Variants in PRKG1 observed in about 807,000 individuals in gnomAD.
PRKG1 encodes the protein protein kinase cGMP-dependent 1.
A neutral mutation model predicts 88.1 loss-of-function variants in PRKG1; 35 were observed. The observed-to-expected ratio is 0.40, with a 90% CI of 0.30 to 0.53. PRKG1 has a LOEUF of 0.53. Ranked by LOEUF, PRKG1 falls within the 20% of genes least tolerant of loss-of-function variation. PRKG1 has a pLI of 0.59. For missense variants in PRKG1, 540 were observed against 839.8 expected (o/e 0.64, Z 4.41); for synonymous variants, 303 against 292.5 (o/e 1.04, Z -0.37).
intron 3 of PRKG1, among the ~76,000 whole-genome samples, chr10:51,627,928 T>TCCC (rs71029384): frequency 0.048 from 2,355 of 49,312 alleles, 196 homozygotes; most frequent in Non-Finnish European, 0.065. Context: ...TTCCCTTCCT[T>TCCC]TCTTCCTTCC....
chr10:51,994,154 G>A (rs1037049284), intron 5 of PRKG1, among the ~76,000 whole-genome samples: 1 of 152,136 alleles, frequency 6.6e-6, no homozygotes, highest in Non-Finnish European at 1.5e-5. Flanking sequence ...CTAAAGAGAG[G>A]TCTAAGGAAC....
rs2132705041 is a variant in PRKG1 at position 50,991,326 on chromosome 10, G to GCCT, written c.-51_-50insTCC. 1 of 1,486,826 alleles carries GCCT rather than the reference G, an allele frequency of 6.7e-7. No homozygotes were observed. Among genetic ancestry groups the GCCT allele is most frequent in the Non-Finnish European group, 8.9e-7 (1 of 1,120,770 alleles). The allele number at this position is 1,486,826 out of a possible 1,614,324, so 92.1% of individuals were successfully genotyped here. A position where few individuals can be genotyped will look rare whatever the true frequency, so the allele number is the denominator to read the frequency against. Reference sequence around the variant, plus strand: ...TGCCGTCCCAGCCGCCGCCGCCGCCGCCGCCGCCGCCGCCGCCCGAGAAAA... The same window carrying GCCT: ...TGCCGTCCCAGCCGCCGCCGCCGCCGCCTCCGCCGCCGCCGCCGCCCGAGAAAA... On this transcript the variant is annotated 5_prime_UTR_variant, in exon 1 of 18. Coordinates refer to the PRKG1 transcript ENST00000401604. The surrounding 1 kb of genome is among the most constrained non-coding windows in gnomAD (Gnocchi z 4.5).
intron 5 of PRKG1, among the ~76,000 whole-genome samples, chr10:51,976,706 G>C (rs1018728473): frequency 3.3e-5 from 5 of 151,928 alleles, no homozygotes; most frequent in Non-Finnish European, 5.9e-5. Context: ...ACAACTCTTT[G>C]AATATACTGA....
intron 1 of PRKG1, among the ~76,000 whole-genome samples, chr10:51,058,505 T>A (rs1362179483): frequency 6.6e-6 from 1 of 152,126 alleles, no homozygotes; most frequent in Non-Finnish European, 1.5e-5. Flanking sequence ...GTACATTTGT[T>A]ACAATCAATT....
chr10:51,268,720 G>T (rs143515113), intron 2 of PRKG1, among the ~76,000 whole-genome samples: 10,528 of 152,052 alleles, frequency 0.069, 478 homozygotes, highest in African/African-American at 0.12. Flanking sequence ...GTCCTGAGGC[G>T]ACATACATCC....
chr10:52,176,409 T>G (rs1164604023), intron 9 of PRKG1, among the ~76,000 whole-genome samples: 1 of 152,086 alleles, frequency 6.6e-6, no homozygotes, highest in Admixed American at 6.6e-5. Flanking sequence ...GCTGTTTTGG[T>G]TACTACAGCT....
chr10:51,256,673 T>A (rs1839568013), intron 2 of PRKG1, among the ~76,000 whole-genome samples: 1 of 151,810 alleles, frequency 6.6e-6, no homozygotes, highest in Admixed American at 6.6e-5. Context: ...AAGACACAGA[T>A]CCAATCCAGG....
intron 3 of PRKG1, among the ~76,000 whole-genome samples, chr10:51,771,947 A>T (rs1448022625): frequency 6.6e-6 from 1 of 152,204 alleles, no homozygotes; most frequent in Non-Finnish European, 1.5e-5. Flanking sequence ...TGAAAAAAAT[A>T]AAGCAATTAG....
rs376174664 is a variant in PRKG1 at position 52,293,786 on chromosome 10, T to G, written c.1963-16T>G. Reference sequence around the variant, plus strand: ...TAAAAAAAATCCACTAAAAAAAACCTGTCCATTTTTTACAGGTTGCATCAC... The same window carrying G: ...TAAAAAAAATCCACTAAAAAAAACCGGTCCATTTTTTACAGGTTGCATCAC... On this transcript the variant is annotated splice_polypyrimidine_tract_variant and intron_variant, in intron 17 of 17. Coordinates refer to ENST00000373980, the MANE Select transcript of PRKG1 (RefSeq NM_006258.4). The G allele has an allele frequency of 7.8e-4, 1,241 of 1,598,792 alleles. 2 individuals carry two copies. Among genetic ancestry groups the G allele is most frequent in the Non-Finnish European group, 1.0e-3 (1,194 of 1,170,116 alleles).
chr10:51,483,769 A>T (rs183078878), intron 3 of PRKG1, among the ~76,000 whole-genome samples: 1 of 152,324 alleles, frequency 6.6e-6, no homozygotes, highest in African/African-American at 2.4e-5. Context: ...TATTTGGAGT[A>T]TTCATTACTA....
chr10:51,858,269 TATTATACATATGTATA>T (rs1185446641), intron 4 of PRKG1, among the ~76,000 whole-genome samples: 1 of 16,342 alleles, frequency 6.1e-5, no homozygotes, highest in African/African-American at 3.3e-4. Context: ...ATATATATAA[TATTATACATATGTATA>T]ATTATACATA....
intron 5 of PRKG1, among the ~76,000 whole-genome samples, chr10:52,027,754 T>C (rs1034923966): frequency 1.3e-5 from 2 of 152,280 alleles, no homozygotes; most frequent in Admixed American, 1.3e-4. Context: ...TTGGAACTTT[T>C]ATTGAAGCCC....
At chr10:51,663,083 A>G (rs1840339059) in intron 3 of PRKG1, among the ~76,000 whole-genome samples, 1 of 152,148 alleles carries the variant, frequency 6.6e-6, no homozygotes, top group Non-Finnish European at 1.5e-5. Flanking sequence ...TAAAATTTAC[A>G]GTAGAAACTG....
At chr10:51,484,153 A>G (rs1840455380) in intron 3 of PRKG1, among the ~76,000 whole-genome samples, 1 of 152,204 alleles carries the variant, frequency 6.6e-6, no homozygotes, top group African/African-American at 2.4e-5. Context: ...GGAGTAGTCT[A>G]TAGCATGAAA....
chr10:51,661,125 G>A (rs1840288406), intron 3 of PRKG1, among the ~76,000 whole-genome samples: 1 of 152,044 alleles, frequency 6.6e-6, no homozygotes, highest in Non-Finnish European at 1.5e-5. Flanking sequence ...AGATATAGGA[G>A]ACTAGGTATT....
At chr10:52,186,943 T>A (rs960653416) in intron 9 of PRKG1, among the ~76,000 whole-genome samples, 5 of 152,178 alleles carry the variant, frequency 3.3e-5, no homozygotes, top group Non-Finnish European at 7.4e-5. Flanking sequence ...TTGACAAGAC[T>A]TTTAAGCTTC....
At chr10:52,279,637 C>G (rs150698967) in intron 12 of PRKG1, among the ~76,000 whole-genome samples, 1 of 151,858 alleles carries the variant, frequency 6.6e-6, no homozygotes, top group African/African-American at 2.4e-5. Context: ...GTTTGTTAAA[C>G]TTTACTCCAC....
intron 2 of PRKG1, among the ~76,000 whole-genome samples, chr10:51,402,907 C>T (rs1837791760): frequency 6.6e-6 from 1 of 152,170 alleles, no homozygotes; most frequent in African/African-American, 2.4e-5. Flanking sequence ...CATTGATGCC[C>T]TCGCATCTCA....
At chr10:51,069,099 TAA>T (rs1329744079) in intron 1 of PRKG1, among the ~76,000 whole-genome samples, 2 of 151,992 alleles carry the variant, frequency 1.3e-5, no homozygotes, top group East Asian at 3.9e-4. Context: ...CCCGTCATCT[TAA>T]GAAGGGGACT....
Sources: allele counts gnomAD v4.1 joint callset (sites outside exome capture counted in the v4.1 genomes callset), GRCh38; gene constraint gnomAD v4.1.1; non-coding constraint Gnocchi (gnomAD v3.1); transcripts MANE v1.5; gene names NCBI Gene and HGNC (gene_info 2026-07-23, HGNC 2026-07-21).